Variants in NRG3 observed in about 807,000 individuals in gnomAD.
NRG3 encodes the protein pro-neuregulin-3, membrane-bound isoform.
Under a neutral mutation model 66.9 loss-of-function variants are expected in NRG3, and 31 were observed. That is an observed-to-expected ratio of 0.46 (90% confidence interval 0.35 to 0.63). The LOEUF is 0.63. NRG3 is among the 20% of genes least tolerant of loss of function. NRG3 has a pLI of 0.00. For synonymous variants in NRG3, 393 were observed against 359.4 expected (o/e 1.09, Z -1.06); for missense variants, 910 against 878.9 (o/e 1.04, Z -0.45).
chr10:82,482,670 G>A (rs1564974074), intron 2 of NRG3, among the ~76,000 whole-genome samples: 1 of 152,084 alleles, frequency 6.6e-6, no homozygotes, highest in South Asian at 2.1e-4. Flanking sequence ...CAGAGTCTTA[G>A]GGTTGAGGGC....
chr10:82,483,757 C>T (rs939320808), intron 2 of NRG3, among the ~76,000 whole-genome samples: 2 of 152,184 alleles, frequency 1.3e-5, no homozygotes, highest in Non-Finnish European at 2.9e-5. Context: ...GGGAAATAAT[C>T]TCTGGCTACC....
intron 1 of NRG3, among the ~76,000 whole-genome samples, chr10:82,043,439 A>G (rs2133039327): frequency 6.6e-6 from 1 of 152,206 alleles, no homozygotes; most frequent in South Asian, 2.1e-4. Flanking sequence ...TGTTTCAAAA[A>G]GTCATTATTT....
Position 82,348,982 on chromosome 10 carries a change from A to T in NRG3, c.824-9757A>T, listed in dbSNP as rs2083222506. ...TTATACATTCTTCTAAATTTTTTTC[A>T]AAGTTTTCAACTTCTTTGCCTTTGG... On this transcript the variant is annotated intron_variant, in intron 1 of 8. Coordinates refer to ENST00000372141, the MANE Select transcript of NRG3 (RefSeq NM_001010848.4). 2.0e-5 allele frequency among the ~76,000 whole-genome samples: 3 copies of T among 150,880 alleles called. 1 individual carries two copies. In the South Asian group the frequency reaches 6.3e-4, roughly 32 times the overall value.
At chr10:82,510,201 A>T (rs1845046817) in intron 2 of NRG3, among the ~76,000 whole-genome samples, 1 of 152,108 alleles carries the variant, frequency 6.6e-6, no homozygotes, top group Non-Finnish European at 1.5e-5. Context: ...AACATACCAC[A>T]TTCCAATGAT....
At chr10:82,709,365 T>TTG (rs796754719) in intron 2 of NRG3, among the ~76,000 whole-genome samples, 33,154 of 147,922 alleles carry the variant, frequency 0.22, 3,811 homozygotes, top group Middle Eastern at 0.35. Context: ...GGTTTTTTTT[T>TTG]GTTTTTGTTT....
chr10:82,766,812 T>A (rs934716319), intron 3 of NRG3, among the ~76,000 whole-genome samples: 5 of 151,890 alleles, frequency 3.3e-5, no homozygotes, highest in Admixed American at 2.6e-4. Flanking sequence ...GATATTAGCA[T>A]CCTTAGTCTT....
chr10:82,557,776 A>T (rs2044745440), intron 2 of NRG3, among the ~76,000 whole-genome samples: 1 of 152,160 alleles, frequency 6.6e-6, no homozygotes, highest in Non-Finnish European at 1.5e-5. Context: ...TAATACGTGA[A>T]TTTATTTAAT....
At chr10:82,587,589 T>C (rs1437202780) in intron 2 of NRG3, among the ~76,000 whole-genome samples, 2 of 152,162 alleles carry the variant, frequency 1.3e-5, no homozygotes, top group South Asian at 2.1e-4. Flanking sequence ...AACCAAGAGG[T>C]AGGCCCAACA....
chr10:82,662,107 G>A (rs112608606), intron 2 of NRG3, among the ~76,000 whole-genome samples: 1 of 152,176 alleles, frequency 6.6e-6, no homozygotes, highest in Admixed American at 6.5e-5. Context: ...TTTGCTGTAC[G>A]TGAATAGTTC....
At chr10:82,238,280 C>G (rs1325721511) in intron 1 of NRG3, among the ~76,000 whole-genome samples, 1 of 151,764 alleles carries the variant, frequency 6.6e-6, no homozygotes, top group African/African-American at 2.4e-5. Context: ...TATAGCAATC[C>G]TATAACACAG....
intron 1 of NRG3, among the ~76,000 whole-genome samples, chr10:82,249,696 A>C (rs1376710972): frequency 6.6e-6 from 1 of 152,226 alleles, no homozygotes; most frequent in African/African-American, 2.4e-5. Flanking sequence ...TGTGGGAAAC[A>C]TAGATTGAGT....
chr10:82,816,834 A>G (rs1003130309), intron 3 of NRG3, among the ~76,000 whole-genome samples: 4 of 152,172 alleles, frequency 2.6e-5, no homozygotes, highest in Non-Finnish European at 5.9e-5. Context: ...TCCTGCTGCA[A>G]CTGGCATCCC....
At chr10:82,580,481 G>A (rs1319656357) in intron 2 of NRG3, among the ~76,000 whole-genome samples, 1 of 151,916 alleles carries the variant, frequency 6.6e-6, no homozygotes, top group Non-Finnish European at 1.5e-5. Flanking sequence ...ATGATGTCAT[G>A]TATCCACCAT....
chr10:82,232,813 G>T, intron 1 of NRG3: 1 of 717,344 alleles, frequency 1.4e-6, no homozygotes, highest in Non-Finnish European at 2.6e-6. Flanking sequence ...GCAGAAACAG[G>T]AGCAAGGTAA....
chr10:82,468,810 C>G (rs1328360798), intron 2 of NRG3, among the ~76,000 whole-genome samples: 1 of 150,654 alleles, frequency 6.6e-6, no homozygotes, highest in Non-Finnish European at 1.5e-5. Flanking sequence ...TTTTGGTGGT[C>G]ATGGGGAAGG....
At chr10:82,927,331 C>A (rs116812670) in intron 4 of NRG3, among the ~76,000 whole-genome samples, 2,611 of 152,234 alleles carry the variant, frequency 0.017, 70 homozygotes, top group African/African-American at 0.06. Context: ...CATCCCCTGA[C>A]AAAATAATTT....
At chr10:82,751,634 G>A (rs1196714954) in intron 3 of NRG3, among the ~76,000 whole-genome samples, 1 of 152,086 alleles carries the variant, frequency 6.6e-6, no homozygotes. Context: ...CAAAAGTTCT[G>A]TCATTTAACT....
intron 3 of NRG3, among the ~76,000 whole-genome samples, chr10:82,785,738 G>T (rs1231556246): frequency 6.6e-6 from 1 of 152,030 alleles, no homozygotes; most frequent in African/African-American, 2.4e-5. Flanking sequence ...AGAGAAGAGA[G>T]AAATGATTAA....
intron 1 of NRG3, among the ~76,000 whole-genome samples, chr10:82,242,174 A>G (rs2077035431): frequency 6.6e-6 from 1 of 152,200 alleles, no homozygotes; most frequent in East Asian, 1.9e-4. Context: ...AATACAAGTG[A>G]TATTTTAAGA....
Sources: gnomAD v4.1 joint callset for allele counts (sites outside exome capture counted in the v4.1 genomes callset) on GRCh38, gnomAD v4.1.1 for gene constraint, MANE v1.5 for transcripts, NCBI Gene and HGNC (gene_info 2026-07-23, HGNC 2026-07-21) for gene names.